MMD2: variants seen among roughly 807,000 people sequenced by gnomAD.
MMD2 encodes monocyte to macrophage differentiation associated 2.
A neutral mutation model predicts 33.5 loss-of-function variants in MMD2; 30 were observed. That is an observed-to-expected ratio of 0.90 (90% CI 0.67 to 1.22). MMD2 has a LOEUF of 1.22. MMD2 is among the 50% of genes most tolerant of loss of function. MMD2 has a pLI of 0.00. For missense variants in MMD2, 364 were observed against 325.4 expected (o/e 1.12, Z -0.91); for synonymous variants, 129 against 123.0 (o/e 1.05, Z -0.32).
the MMD2 span, among the ~76,000 whole-genome samples, chr7:4,893,364 T>TTTTATTTATTTA: frequency 8.7e-3 from 1,248 of 143,026 alleles, 8 homozygotes; most frequent in East Asian, 0.017. Flanking sequence ...TGGTTATTTC[T>TTTTATTTATTTA]TTTATTTATT....
In MMD2 at chr7:4,907,179, T is replaced by C. The variant is rs1175341208; in HGVS notation, c.*217A>G. On this transcript the variant is annotated 3_prime_UTR_variant, in exon 7 of 7. Transcript: ENST00000401401. ...AACACTCATCTAAAATAGAAACACA[T>C]TACAGGGTTAATTTCTCCTCTGTAA... 3.2e-5 allele frequency: 18 copies of C among 564,918 alleles called. No homozygotes were observed. Among genetic ancestry groups the C allele is most frequent in the Non-Finnish European group, 5.4e-5 (17 of 314,674 alleles). 35.0% of individuals were successfully genotyped at this position (564,918 alleles called of 1,614,324 possible).
In MMD2 at chr7:4,931,819, C is replaced by A. The variant is rs143829975; in HGVS notation, c.48-6287G>T. On this transcript the variant is annotated intron_variant, in intron 1 of 6. Coordinates refer to ENST00000401401, the MANE Select transcript of MMD2 (RefSeq NM_198403.4). Reference sequence around the variant, plus strand: ...ACCTCAAACAATCGTCCTCCCTTGGCCTCCCAAAGTGCTGAGATTACAGGA... The same window carrying A: ...ACCTCAAACAATCGTCCTCCCTTGGACTCCCAAAGTGCTGAGATTACAGGA... Among the ~76,000 whole-genome samples, 354 of 152,198 alleles carry A rather than the reference C, an allele frequency of 2.3e-3. 1 individual carries two copies. The highest frequency in any genetic ancestry group is 8.2e-3 in the African/African-American group (342 of 41,506).
downstream of MMD2, among the ~76,000 whole-genome samples, chr7:4,904,043 C>T (rs1211818462): frequency 6.6e-6 from 1 of 152,154 alleles, no homozygotes; most frequent in Non-Finnish European, 1.5e-5. Flanking sequence ...AGCGATTCTC[C>T]TGCCTCAGCC....
Position 4,925,436 on chromosome 7 carries a change from CA to C in MMD2, c.129+14del. The C allele has an allele frequency of 1.3e-6, 2 of 1,535,306 alleles. No homozygotes were observed. Among genetic ancestry groups the C allele is most frequent in the Non-Finnish European group, 1.8e-6 (2 of 1,138,776 alleles). ...GTCCCCATCTCAGCCCTGAGCCCCC[CA>C]AAAGCCAACTCACAGCATGGGTGGC... On this transcript the variant is annotated intron_variant, in intron 2 of 6. Transcript: ENST00000401401.
downstream of MMD2, among the ~76,000 whole-genome samples, chr7:4,905,592 T>C (rs1784852485): frequency 6.6e-6 from 1 of 152,072 alleles, no homozygotes; most frequent in African/African-American, 2.4e-5. This position sits in a 1 kb window ranked among gnomAD's most constrained non-coding sequence, Gnocchi z 5.0. Flanking sequence ...CGCAGGATTT[T>C]ATCTTGGCCT....
intron 2 of MMD2, among the ~76,000 whole-genome samples, chr7:4,924,077 A>G (rs563048825): frequency 1.4e-4 from 21 of 152,306 alleles, no homozygotes; most frequent in South Asian, 4.1e-4. Context: ...CTGTAGTCCC[A>G]GCTACTCGGG....
chr7:4,906,392 A>C lies in MMD2; in HGVS notation c.*1004T>G, dbSNP rs1253647889. On this transcript the variant is annotated 3_prime_UTR_variant, in exon 7 of 7. Transcript: ENST00000401401. ...GTGCCTTCTGTTTGGGGTACACCTG[A>C]GTAGCCTCTAACAGCCACTGATTGG... is the stretch of plus-strand genomic sequence containing the variant. 1 of 398,108 alleles carries C rather than the reference A, an allele frequency of 2.5e-6. No homozygotes were observed. Among genetic ancestry groups the C allele is most frequent in the African/African-American group, 2.1e-5 (1 of 48,622 alleles). 24.7% of individuals were successfully genotyped at this position (398,108 alleles called of 1,614,324 possible). A position where few individuals can be genotyped will look rare whatever the true frequency, so the allele number is the denominator to read the frequency against.
At chr7:4,945,653 C>T (rs1331444204) in intron 1 of MMD2, among the ~76,000 whole-genome samples, 1 of 152,114 alleles carries the variant, frequency 6.6e-6, no homozygotes, top group East Asian at 1.9e-4. Context: ...TGGCTCACTA[C>T]AGCCTCTGCC....
intron 1 of MMD2, among the ~76,000 whole-genome samples, chr7:4,947,495 G>A (rs2115154045): frequency 6.6e-6 from 1 of 150,888 alleles, no homozygotes; most frequent in Middle Eastern, 3.4e-3. Flanking sequence ...CCGGGTTCAA[G>A]CGATTCTCCT....
intron 4 of MMD2, among the ~76,000 whole-genome samples, chr7:4,913,577 G>C (rs1484916927): frequency 6.6e-6 from 1 of 152,004 alleles, no homozygotes; most frequent in Non-Finnish European, 1.5e-5. Context: ...AATTAGTTGG[G>C]AGTGGTGGCG....
At chr7:4,893,384 A>ATTTG in the MMD2 span, among the ~76,000 whole-genome samples, 4 of 150,344 alleles carry the variant, frequency 2.7e-5, no homozygotes, top group Non-Finnish European at 5.9e-5. Context: ...TTATTTATTT[A>ATTTG]TTTATTTATT....
chr7:4,909,963 C>T lies in MMD2; in HGVS notation c.468-13G>A. On this transcript the variant is annotated splice_polypyrimidine_tract_variant and intron_variant, in intron 5 of 6. Transcript: ENST00000401401. ...CACAAGCTTGTACCTGGCAGGAAGACAAGCCGTGCCGGCCTTAGGACATGC... is the reference window on the plus strand; with the variant it reads ...CACAAGCTTGTACCTGGCAGGAAGATAAGCCGTGCCGGCCTTAGGACATGC... 2 of 1,613,946 alleles carry T rather than the reference C, an allele frequency of 1.2e-6. No individual in the cohort carries two copies. The highest frequency in any genetic ancestry group is 1.6e-4 in the Middle Eastern group (1 of 6,062).
chr7:4,955,911 G>A (rs1786370207), intron 1 of MMD2, among the ~76,000 whole-genome samples: 1 of 152,166 alleles, frequency 6.6e-6, no homozygotes, highest in African/African-American at 2.4e-5. Flanking sequence ...AAATTAGCCA[G>A]GCGTGGTTGC....
At chr7:4,934,720 A>C (rs1022371880) in intron 1 of MMD2, among the ~76,000 whole-genome samples, 1 of 152,198 alleles carries the variant, frequency 6.6e-6, no homozygotes, top group Non-Finnish European at 1.5e-5. Flanking sequence ...TTGAATTCTC[A>C]CCCTGAACTT....
the MMD2 span, among the ~76,000 whole-genome samples, chr7:4,897,433 A>T: frequency 1.2e-4 from 18 of 152,148 alleles, no homozygotes; most frequent in Non-Finnish European, 1.8e-4. Context: ...ACATTTTTTT[A>T]AAAGTCATGC....
chr7:4,949,478 T>C (rs1297709097), intron 1 of MMD2, among the ~76,000 whole-genome samples: 1 of 152,052 alleles, frequency 6.6e-6, no homozygotes, highest in Non-Finnish European at 1.5e-5. Context: ...TAGAATGATC[T>C]CCAGTTCCAT....
At chr7:4,912,029 G>A (rs1785027441) in intron 4 of MMD2, among the ~76,000 whole-genome samples, 1 of 152,018 alleles carries the variant, frequency 6.6e-6, no homozygotes, top group Non-Finnish European at 1.5e-5. Flanking sequence ...TTAAGTCTGG[G>A]AGGTGGAAGC....
At chr7:4,952,011 C>G (rs560412508) in intron 1 of MMD2, among the ~76,000 whole-genome samples, 2 of 152,196 alleles carry the variant, frequency 1.3e-5, no homozygotes, top group Non-Finnish European at 2.9e-5. Context: ...GCTGGGACTA[C>G]AGGCTTGAGC....
chr7:4,933,717 C>T (rs1228433203), intron 1 of MMD2, among the ~76,000 whole-genome samples: 2 of 151,900 alleles, frequency 1.3e-5, no homozygotes, highest in Non-Finnish European at 2.9e-5. Context: ...ACTGCAGCCT[C>T]GCATTCCGAG....
Sources: allele counts gnomAD v4.1 joint callset (sites outside exome capture counted in the v4.1 genomes callset), GRCh38; gene constraint gnomAD v4.1.1; non-coding constraint Gnocchi (gnomAD v3.1); transcripts MANE v1.5; gene names NCBI Gene and HGNC (gene_info 2026-07-23, HGNC 2026-07-21).